The following MS4A4E variants were observed in gnomAD, a reference collection of about 807,000 sequenced individuals.
The protein encoded by MS4A4E is membrane spanning 4-domains A4E, also known as putative membrane-spanning 4-domains subfamily A member 4E.
MS4A4E carries 23 observed loss-of-function variants against 13.3 expected under a neutral mutation model. The ratio of observed to expected loss-of-function variants is 1.73; its 90% CI spans 1.25 to 2.45. The LOEUF (loss-of-function observed/expected upper bound fraction) is 2.45. Ranked by LOEUF, MS4A4E falls within the 30% of genes most tolerant of loss-of-function variation. The pLI is 0.00. For missense variants in MS4A4E, 144 were observed against 131.2 expected (o/e 1.10, Z -0.48); for synonymous variants, 36 against 45.6 (o/e 0.79, Z 0.85).
chr11:60,242,240 T>C (rs1413558047), intron 1 of MS4A4E, among the ~76,000 whole-genome samples: 3 of 152,218 alleles, frequency 2.0e-5, no homozygotes, highest in Non-Finnish European at 4.4e-5. Flanking sequence ...TGTGTGATTC[T>C]AGGTACATTA....
chr11:60,223,076 G>A (rs1256324413), intron 3 of MS4A4E, among the ~76,000 whole-genome samples: 1 of 152,096 alleles, frequency 6.6e-6, no homozygotes, highest in African/African-American at 2.4e-5. Flanking sequence ...ACCTGCTGAG[G>A]TGCTTCCTGA....
intron 8 of MS4A4E, among the ~76,000 whole-genome samples, chr11:60,204,177 G>A (rs1026060756): frequency 6.6e-6 from 1 of 152,238 alleles, no homozygotes; most frequent in Non-Finnish European, 1.5e-5. Context: ...ATCAGGAGAT[G>A]TAAGGACTTC....
At chr11:60,222,310 C>T (rs930931135) in intron 3 of MS4A4E, among the ~76,000 whole-genome samples, 1 of 152,208 alleles carries the variant, frequency 6.6e-6, no homozygotes, top group Non-Finnish European at 1.5e-5. Context: ...ATAGCATTGC[C>T]TCTGACCAAG....
intron 1 of MS4A4E, among the ~76,000 whole-genome samples, chr11:60,232,781 C>CA: frequency 6.6e-6 from 1 of 152,234 alleles, no homozygotes; most frequent in Non-Finnish European, 1.5e-5. Flanking sequence ...GTAGCCATTG[C>CA]ACCCCTCCAT....
At chr11:60,224,918 A>G in intron 3 of MS4A4E, 1 of 1,386,522 alleles carries the variant, frequency 7.2e-7, no homozygotes, top group Non-Finnish European at 9.5e-7. Flanking sequence ...GGGTATTTAC[A>G]CCTCTATTAT....
chr11:60,200,444 G>A lies in MS4A4E; in HGVS notation c.*1099C>T, dbSNP rs915505073. ...TAGGCAGAGGACCCTGCGGCCTTCC[G>A]AGGTGTTTGTGTCCCTGGGTACTTG... On this transcript the variant is annotated 3_prime_UTR_variant, in exon 9 of 9. Coordinates refer to ENST00000651255, the MANE Select transcript of MS4A4E (RefSeq NM_001393391.1). 2.0e-5 allele frequency among the ~76,000 whole-genome samples: 3 copies of A among 152,104 alleles called. No homozygotes were observed. Among genetic ancestry groups the A allele is most frequent in the Admixed American group, 6.6e-5 (1 of 15,266 alleles).
At chr11:60,240,997 T>TTTTA (rs71036563) in intron 1 of MS4A4E, among the ~76,000 whole-genome samples, 2,088 of 151,242 alleles carry the variant, frequency 0.014, 38 homozygotes, top group African/African-American at 0.04. Context: ...AATGTGTACT[T>TTTTA]TTTATTTATT....
intron 5 of MS4A4E, among the ~76,000 whole-genome samples, 165 bp from the exon 6 acceptor site, chr11:60,208,859 G>T (rs2084082508): frequency 1.3e-5 from 2 of 152,192 alleles, no homozygotes; most frequent in Admixed American, 1.3e-4. Flanking sequence ...TGCTGAAGTA[G>T]CTTCTCACTT....
At chr11:60,205,351 C>T (rs942328369) in intron 7 of MS4A4E, among the ~76,000 whole-genome samples, 18 of 152,204 alleles carry the variant, frequency 1.2e-4, no homozygotes, top group African/African-American at 3.4e-4. Flanking sequence ...TCTTATTCAC[C>T]GCTATTTTCT....
intron 3 of MS4A4E, among the ~76,000 whole-genome samples, chr11:60,216,072 C>CT (rs1170514974): frequency 6.6e-6 from 1 of 152,028 alleles, no homozygotes; most frequent in African/African-American, 2.4e-5. Flanking sequence ...GGTACTGGTA[C>CT]TTATACTGTA....
chr11:60,235,958 G>A (rs1291325534), intron 1 of MS4A4E, among the ~76,000 whole-genome samples: 1 of 152,156 alleles, frequency 6.6e-6, no homozygotes, highest in African/African-American at 2.4e-5. Flanking sequence ...GTGTAAGAAA[G>A]TGTCCAACTT....
intron 6 of MS4A4E, among the ~76,000 whole-genome samples, chr11:60,208,172 C>T (rs572123044): frequency 2.0e-5 from 3 of 152,186 alleles, no homozygotes; most frequent in East Asian, 3.9e-4. Flanking sequence ...ATACAAGTCC[C>T]GTATGTAGGA....
chr11:60,240,900 T>A (rs1376683865), intron 1 of MS4A4E, among the ~76,000 whole-genome samples: 3 of 152,254 alleles, frequency 2.0e-5, no homozygotes, highest in Non-Finnish European at 4.4e-5. Context: ...ACTAAGGATT[T>A]AAGAAATCTA....
chr11:60,223,855 T>C (rs2084306565), intron 3 of MS4A4E, among the ~76,000 whole-genome samples: 1 of 147,086 alleles, frequency 6.8e-6, no homozygotes, highest in Non-Finnish European at 1.5e-5. Flanking sequence ...GACCTCTCCT[T>C]GTGATTGTGT....
At chr11:60,232,284 A>AACACACAAACACACACACACACACAC (rs2084419642) in intron 1 of MS4A4E, among the ~76,000 whole-genome samples, 1 of 130,166 alleles carries the variant, frequency 7.7e-6, no homozygotes, top group Non-Finnish European at 1.6e-5. Flanking sequence ...CATCGCCATC[A>AACACACAAACACACACACACACACAC]ACACACACAC....
In MS4A4E at chr11:60,231,506, A is replaced by G. The variant is rs11230205; in HGVS notation, c.-16-1435T>C. Reference sequence around the variant, plus strand: ...AAAGTGGGAAACAACTAAAATCTCTATAAGTCAGGTGAAATGAGTGTTAAA... The same window carrying G: ...AAAGTGGGAAACAACTAAAATCTCTGTAAGTCAGGTGAAATGAGTGTTAAA... On this transcript the variant is annotated intron_variant, in intron 1 of 8. Transcript: ENST00000651255. 2.8e-3 allele frequency among the ~76,000 whole-genome samples: 426 copies of G among 152,244 alleles called. 15 individuals are homozygous for G. The East Asian group carries it at 0.075, about 27-fold the overall frequency.
At chr11:60,232,817 T>G (rs1183735811) in intron 1 of MS4A4E, among the ~76,000 whole-genome samples, 4 of 151,978 alleles carry the variant, frequency 2.6e-5, no homozygotes, top group Non-Finnish European at 4.4e-5. Flanking sequence ...ACCACTACAC[T>G]ATGCACACGT....
chr11:60,229,071 G>A (rs2084376675), intron 2 of MS4A4E, among the ~76,000 whole-genome samples: 2 of 152,210 alleles, frequency 1.3e-5, no homozygotes, highest in South Asian at 4.1e-4. Context: ...TTCATCAACT[G>A]GAACAAATGT....
rs575779211 is a variant in MS4A4E at position 60,200,916 on chromosome 11, G to A, written c.*627C>T. 2.5e-3 allele frequency among the ~76,000 whole-genome samples: 372 copies of A among 148,208 alleles called. 2 individuals carry two copies. The highest frequency in any genetic ancestry group is 8.6e-3 in the African/African-American group (342 of 39,800). Reference sequence around the variant, plus strand: ...CCGGACGGGGCGGCTGGCCGGGCGGGGGGCTGACCCCTCCACCTCCCTCCC... The same window carrying A: ...CCGGACGGGGCGGCTGGCCGGGCGGAGGGCTGACCCCTCCACCTCCCTCCC... On this transcript the variant is annotated 3_prime_UTR_variant, in exon 9 of 9. Coordinates refer to ENST00000651255, the MANE Select transcript of MS4A4E (RefSeq NM_001393391.1).
Sources: allele counts gnomAD v4.1 joint callset (sites outside exome capture counted in the v4.1 genomes callset), GRCh38; gene constraint gnomAD v4.1.1; transcripts MANE v1.5; gene names NCBI Gene and HGNC (gene_info 2026-07-23, HGNC 2026-07-21).